Variants in MPDZ observed in about 807,000 individuals in gnomAD.
MPDZ encodes the protein multiple PDZ domain protein.
In MPDZ, 234 loss-of-function variants were observed where a neutral mutation model predicts 239.1. That is an observed-to-expected ratio of 0.98 (90% CI 0.88 to 1.09). The LOEUF is 1.09. Among genes scored for constraint, MPDZ ranks in the 50% least tolerant of loss-of-function variants. MPDZ has a pLI of 0.00. For synonymous variants in MPDZ, 1,048 were observed against 881.3 expected, an observed-to-expected ratio of 1.19 and a Z score of -3.35; for missense variants, 3,175 against 2,510.0, an observed-to-expected ratio of 1.26 and a Z score of -5.66.
At chr9:13,276,020 T>A (rs562527710) in intron 1 of MPDZ, among the ~76,000 whole-genome samples, 1 of 152,332 alleles carries the variant, frequency 6.6e-6, no homozygotes, top group South Asian at 2.1e-4. Flanking sequence ...AACTAATCCC[T>A]ATACTTCACT....
Position 13,247,664 on chromosome 9 carries a change from G to T in MPDZ, c.154C>A (p.Gln52Lys), listed in dbSNP as rs1362337104. 6 of 1,613,372 alleles carry T rather than the reference G, an allele frequency of 3.7e-6. No individual in the cohort carries two copies. In the East Asian group the frequency reaches 1.3e-4, roughly 36 times the overall value. Reference protein sequence around the residue: ...SPLFSQILSLQTSVQQLKDQV... With the variant: ...SPLFSQILSLKTSVQQLKDQV... ...TCTTTCAGCTGCTGTACAGAAGTCT[G>T]AAGGCTCAGAATCTGACTGAAGAGA... The change falls in exon 3 of 47, where the codon CAG becomes AAG. Residue 52 changes from glutamine (Q) to lysine (K), a missense_variant. Gln to Lys is a moderately conservative substitution (Grantham distance 53). Transcript: ENST00000319217.
intron 38 of MPDZ, chr9:13,120,468 G>GT (rs1258328272): frequency 6.6e-6 from 1 of 152,092 alleles, no homozygotes; most frequent in Non-Finnish European, 1.5e-5. Flanking sequence ...ATTAATGGTG[G>GT]TTTTTATGAT....
chr9:13,189,206 C>G (rs911070074), intron 16 of MPDZ, among the ~76,000 whole-genome samples: 6 of 152,152 alleles, frequency 3.9e-5, no homozygotes, highest in Admixed American at 3.9e-4. Context: ...ACAATGGCAC[C>G]CTCACTTCCT....
chr9:13,210,073 C>CAA (rs539113172), intron 10 of MPDZ, among the ~76,000 whole-genome samples: 32 of 121,316 alleles, frequency 2.6e-4, no homozygotes, highest in South Asian at 1.8e-3. Context: ...TGAGAAATTA[C>CAA]AAAAAAAAAA....
chr9:13,173,145 G>A (rs1014620226), intron 21 of MPDZ, among the ~76,000 whole-genome samples: 1 of 152,174 alleles, frequency 6.6e-6, no homozygotes, highest in Non-Finnish European at 1.5e-5. Context: ...TTGTTTAATG[G>A]ATACAGCGTT....
intron 26 of MPDZ, among the ~76,000 whole-genome samples, chr9:13,145,670 T>G (rs1336594804): frequency 6.6e-6 from 1 of 152,072 alleles, no homozygotes; most frequent in African/African-American, 2.4e-5. Flanking sequence ...TAAGTATGAC[T>G]TGACTAAACA....
At chr9:13,213,848 C>G (rs1957954405) in intron 10 of MPDZ, among the ~76,000 whole-genome samples, 1 of 152,002 alleles carries the variant, frequency 6.6e-6, no homozygotes, top group Admixed American at 6.6e-5. Flanking sequence ...TCATGAGACT[C>G]TTTCAATGAT....
chr9:13,179,054 C>T (rs1952913453), intron 19 of MPDZ, among the ~76,000 whole-genome samples: 1 of 152,068 alleles, frequency 6.6e-6, no homozygotes, highest in Non-Finnish European at 1.5e-5. Context: ...ATTTATTACA[C>T]TCCTTTCCTT....
intron 3 of MPDZ, among the ~76,000 whole-genome samples, chr9:13,226,202 T>C (rs1350950653): frequency 6.6e-6 from 1 of 152,078 alleles, no homozygotes; most frequent in East Asian, 1.9e-4. Flanking sequence ...TAACTCCAAG[T>C]ACAATGACAC....
chr9:13,194,247 A>G (rs1955338722), intron 13 of MPDZ, among the ~76,000 whole-genome samples: 1 of 152,174 alleles, frequency 6.6e-6, no homozygotes, highest in Non-Finnish European at 1.5e-5. Flanking sequence ...TTTATTGTAT[A>G]CTTCCGCACT....
intron 39 of MPDZ, among the ~76,000 whole-genome samples, chr9:13,116,509 G>C (rs545681480): frequency 6.6e-6 from 1 of 152,146 alleles, no homozygotes; most frequent in Non-Finnish European, 1.5e-5. Context: ...ATCATACTCT[G>C]AAAGGTCAAA....
intron 10 of MPDZ, among the ~76,000 whole-genome samples, chr9:13,215,039 G>GTATA (rs1958120492): frequency 6.6e-6 from 1 of 152,056 alleles, no homozygotes; most frequent in East Asian, 1.9e-4. Flanking sequence ...ATAGTGCTAA[G>GTATA]TATATTCACA....
chr9:13,134,789 T>G lies in MPDZ; in HGVS notation c.4384-885A>C, dbSNP rs553752572. 4 of 152,406 alleles carry G rather than the reference T, an allele frequency of 2.6e-5. No homozygotes were observed. The East Asian group carries it at 7.7e-4, about 30-fold the overall frequency. The allele number at this position is 152,406 out of a possible 1,614,324, so 9.4% of individuals were successfully genotyped here. Reference sequence around the variant, plus strand: ...CTAGTTACCACACCCAAGGGACTCTTTCTACTCATCTTCTCACTGGATTCT... The same window carrying G: ...CTAGTTACCACACCCAAGGGACTCTGTCTACTCATCTTCTCACTGGATTCT... On this transcript the variant is annotated intron_variant, in intron 31 of 46. Coordinates refer to ENST00000319217, the MANE Select transcript of MPDZ (RefSeq NM_001378778.1).
intron 24 of MPDZ, among the ~76,000 whole-genome samples, chr9:13,151,744 G>A (rs1021960158): frequency 4.6e-5 from 7 of 152,030 alleles, no homozygotes; most frequent in Non-Finnish European, 8.8e-5. Context: ...CAATGTGAAT[G>A]TACTTATGCC....
At chr9:13,129,446 G>C (rs941559222) in intron 32 of MPDZ, among the ~76,000 whole-genome samples, 1 of 151,734 alleles carries the variant, frequency 6.6e-6, no homozygotes, top group Non-Finnish European at 1.5e-5. Flanking sequence ...CTGGGCAACA[G>C]AGTGAGACTC....
chr9:13,152,948 A>G (rs551883175), intron 24 of MPDZ, among the ~76,000 whole-genome samples: 1 of 152,286 alleles, frequency 6.6e-6, no homozygotes, highest in South Asian at 2.1e-4. Flanking sequence ...GTCAGAGTTC[A>G]GGGTGTTGGA....
At chr9:13,131,795 G>A (rs1946036686) in intron 32 of MPDZ, among the ~76,000 whole-genome samples, 7 of 152,120 alleles carry the variant, frequency 4.6e-5, no homozygotes, top group Admixed American at 4.6e-4. Flanking sequence ...CTGATAAACT[G>A]GATTTGTCAG....
At position 13,246,026 on chromosome 9, in the gene MPDZ, G is replaced by C. The variant is rs975731364; in HGVS notation, c.183+1609C>G. On this transcript the variant is annotated intron_variant, in intron 3 of 46. Coordinates refer to ENST00000319217, the MANE Select transcript of MPDZ (RefSeq NM_001378778.1). ...ATCATGTTTTCACATAACATATTAA[G>C]AATAGAAGATATCTGTTCAACTTCT... 1.4e-4 allele frequency among the ~76,000 whole-genome samples: 20 copies of C among 143,660 alleles called. No individual in the cohort carries two copies. The Admixed American group carries it at 1.5e-3, about 10-fold the overall frequency. 94.2% of individuals were successfully genotyped at this position (143,660 alleles called of 152,430 possible).
At chr9:13,277,020 G>A (rs1438904924) in intron 1 of MPDZ, among the ~76,000 whole-genome samples, 1 of 152,154 alleles carries the variant, frequency 6.6e-6, no homozygotes, top group Non-Finnish European at 1.5e-5. Context: ...GGATTTCCAA[G>A]AGTCTCTCTG....
Sources: allele counts gnomAD v4.1 joint callset (sites outside exome capture counted in the v4.1 genomes callset), GRCh38; gene constraint gnomAD v4.1.1; transcripts MANE v1.5; gene names NCBI Gene and HGNC (gene_info 2026-07-23, HGNC 2026-07-21).